The following GCN1 variants were observed in gnomAD, a reference collection of about 807,000 sequenced individuals.
GCN1 encodes stalled ribosome sensor GCN1.
GCN1 carries 90 observed loss-of-function variants against 288.4 expected under a neutral mutation model. The observed-to-expected ratio is 0.31, with a 90% CI of 0.26 to 0.37. The LOEUF is 0.37. Among genes scored for constraint, GCN1 ranks in the 10% least tolerant of loss-of-function variants. The probability of loss-of-function intolerance (pLI) is 1.00; values close to 1 mark genes in which losing one functional copy is unlikely to be tolerated. For synonymous variants in GCN1, 1,386 were observed against 1,420.2 expected (o/e 0.98, Z 0.54); for missense variants, 2,586 against 3,419.9 (o/e 0.76, Z 6.08).
intron 53 of GCN1, 38 bp from the exon 54 acceptor site, chr12:120,132,060 A>G: frequency 7.5e-7 from 1 of 1,334,704 alleles, no homozygotes; most frequent in Non-Finnish European, 1.1e-6. Flanking sequence ...GGTGCAGGGA[A>G]CAACACCAGC....
intron 56 of GCN1, 101 bp downstream of exon 56, chr12:120,130,545 G>T (rs1354310591): frequency 5.1e-6 from 4 of 778,358 alleles, no homozygotes; most frequent in Non-Finnish European, 9.3e-6. Context: ...CGGAGAACTA[G>T]CACACAACTA....
At chr12:120,161,304 G>A (rs1470066734) in intron 22 of GCN1, among the ~76,000 whole-genome samples, 186 bp downstream of exon 22, 2 of 152,178 alleles carry the variant, frequency 1.3e-5, no homozygotes, top group African/African-American at 2.4e-5. Context: ...GTGGGTGGAA[G>A]AAGCTATGAA....
At chr12:120,132,911 G>C (rs1445224985) in intron 53 of GCN1, among the ~76,000 whole-genome samples, 2 of 152,036 alleles carry the variant, frequency 1.3e-5, no homozygotes, top group African/African-American at 4.8e-5. Flanking sequence ...AAGCCCAGGT[G>C]CCAAGCTAAA....
In GCN1 at chr12:120,142,479, G is replaced by A. The variant is rs1877228515; in HGVS notation, c.5829+28C>T. On this transcript the variant is annotated intron_variant, in intron 44 of 57. Transcript: ENST00000300648. This position sits in a 1 kb window ranked among gnomAD's most constrained non-coding sequence, Gnocchi z 4.9. ...TCTGAAAGGAGGCACTGGGGCTGCT[G>A]GTCCAAAACAAGGCCCAGGAAACTC... The A allele has an allele frequency of 6.4e-7, 1 of 1,572,170 alleles. No homozygotes were observed. The highest frequency in any genetic ancestry group is 8.8e-7 in the Non-Finnish European group (1 of 1,142,606).
At chr12:120,188,451 A>AAC (rs1555303544) in intron 2 of GCN1, among the ~76,000 whole-genome samples, 2 of 151,220 alleles carry the variant, frequency 1.3e-5, no homozygotes, top group African/African-American at 4.8e-5. Flanking sequence ...AAAAAAAAAA[A>AAC]AAAAAAACCT....
rs766719757 is a variant in GCN1 at position 120,136,649 on chromosome 12, T to G, written c.6861A>C (p.Leu2287Phe). The G allele has an allele frequency of 1.9e-5, 31 of 1,614,170 alleles. No individual in the cohort carries two copies. The highest frequency in any genetic ancestry group is 2.5e-5 in the Non-Finnish European group (29 of 1,180,034). Reference protein sequence around the residue: ...PEQKEEAAKALGLVIRLTSAD... With the variant: ...PEQKEEAAKAFGLVIRLTSAD... Reference sequence around the variant, plus strand: ...CCGAGGTCAGGCGGATTACCAAGCCTAAGGCTTTGGCTGCCTCCTCCTTCT... The same window carrying G: ...CCGAGGTCAGGCGGATTACCAAGCCGAAGGCTTTGGCTGCCTCCTCCTTCT... Residue 2287 changes from leucine (L) to phenylalanine (F), a missense_variant, in exon 51 of 58, where the codon TTA (leucine) becomes TTC (phenylalanine). Physicochemically the swap from Leu to Phe is conservative, Grantham distance 22. Around this residue, in one of 8 missense-constraint regions of GCN1, gnomAD observed 437 missense variants for 570.5 expected, o/e 0.77. Transcript: ENST00000300648.
Position 120,147,105 on chromosome 12 carries a change from G to T in GCN1, c.4894C>A (p.Arg1632=). 6.2e-7 allele frequency: 1 copy of T among 1,602,352 alleles called. No individual in the cohort carries two copies. Among genetic ancestry groups the T allele is most frequent in the South Asian group, 1.1e-5 (1 of 90,102 alleles). ...RAFQDRSTDT[R]KMAAQIIGNM... ...CCAATAATCTGGGCTGCCATCTTCCGCGTGTCCGTGGAACGGTCCTGGAAG... is the reference window on the plus strand; with the variant it reads ...CCAATAATCTGGGCTGCCATCTTCCTCGTGTCCGTGGAACGGTCCTGGAAG... Residue 1632 remains arginine, a synonymous_variant, in exon 38 of 58, where the codon CGG becomes AGG. Coordinates refer to ENST00000300648, the MANE Select transcript of GCN1 (RefSeq NM_006836.2).
In GCN1 at chr12:120,178,957, G is replaced by C. The variant is rs775693565; in HGVS notation, c.427-7C>G. The C allele has an allele frequency of 6.2e-7, 1 of 1,611,588 alleles. No individual in the cohort carries two copies. The highest frequency in any genetic ancestry group is 2.2e-5 in the East Asian group (1 of 44,824). ...GCAGGCACTGCACTTCCACCTGCCAGGACCAGGGAAGACTCAGGTCAAGGT... is the reference window on the plus strand; with the variant it reads ...GCAGGCACTGCACTTCCACCTGCCACGACCAGGGAAGACTCAGGTCAAGGT... On this transcript the variant is annotated splice_region_variant and splice_polypyrimidine_tract_variant and intron_variant, in intron 5 of 57. Transcript: ENST00000300648.
rs1877635323 is a variant in GCN1 at position 120,153,453 on chromosome 12, G to C, written c.3868-46C>G. 6.6e-7 allele frequency: 1 copy of C among 1,523,492 alleles called. No individual in the cohort carries two copies. The highest frequency in any genetic ancestry group is 1.7e-5 in the Admixed American group (1 of 57,702). 94.4% of individuals were successfully genotyped at this position (1,523,492 alleles called of 1,614,324 possible). A position where few individuals can be genotyped will look rare whatever the true frequency, so the allele number is the denominator to read the frequency against. On this transcript the variant is annotated intron_variant, in intron 32 of 57. Coordinates refer to ENST00000300648, the MANE Select transcript of GCN1 (RefSeq NM_006836.2). The surrounding 1 kb of genome is among the most constrained non-coding windows in gnomAD (Gnocchi z 4.4). ...GAGCCTCAGGTCAACCCTACAGGCTGCATCTGGGGACAACAGTCCCTGCCC... is the reference window on the plus strand; with the variant it reads ...GAGCCTCAGGTCAACCCTACAGGCTCCATCTGGGGACAACAGTCCCTGCCC...
At chr12:120,165,038 T>TACACACAC (rs1425384203) in intron 16 of GCN1, among the ~76,000 whole-genome samples, 58 of 134,576 alleles carry the variant, frequency 4.3e-4, no homozygotes, top group Non-Finnish European at 7.1e-4. Flanking sequence ...CACACACACA[T>TACACACAC]ATATATATAT....
chr12:120,158,813 C>T lies in GCN1; in HGVS notation c.2750-198G>A, dbSNP rs1012105237. Among the ~76,000 whole-genome samples, 3 of 152,008 alleles carry T rather than the reference C, an allele frequency of 2.0e-5. No individual in the cohort carries two copies. Among genetic ancestry groups the T allele is most frequent in the Non-Finnish European group, 4.4e-5 (3 of 67,988 alleles). ...GGATCATGAGGTCAGGAGATTGAGACCATCCTGGCTAACACGGTGAAACCC... is the reference window on the plus strand; with the variant it reads ...GGATCATGAGGTCAGGAGATTGAGATCATCCTGGCTAACACGGTGAAACCC... On this transcript the variant is annotated intron_variant, in intron 24 of 57. Coordinates refer to ENST00000300648, the MANE Select transcript of GCN1 (RefSeq NM_006836.2). The surrounding 1 kb of genome is among the most constrained non-coding windows in gnomAD (Gnocchi z 4.3).
At chr12:120,193,580 C>T (rs971087273) in intron 1 of GCN1, among the ~76,000 whole-genome samples, 1 of 152,200 alleles carries the variant, frequency 6.6e-6, no homozygotes, top group Admixed American at 6.5e-5. Context: ...GCTGGGATTA[C>T]AGGGTGAGCC....
rs761828433 is a variant in GCN1, at chr12:120,138,851, C to T, written c.6000G>A (p.Leu2000=). 5 of 1,608,158 alleles carry T rather than the reference C, an allele frequency of 3.1e-6. No homozygotes were observed. Among genetic ancestry groups the T allele is most frequent in the Admixed American group, 1.7e-5 (1 of 59,528 alleles). Residue 2000 remains leucine, a synonymous_variant, in exon 46 of 58, where the codon CTG becomes CTA. Coordinates refer to ENST00000300648, the MANE Select transcript of GCN1 (RefSeq NM_006836.2). ...IMKSTSRDAV[L]YFSESLVPTA... is the part of the protein sequence containing the mutation. ...TGGGCACGAGGGATTCAGAGAAATA[C>T]AGCACCTGCAATGGCAAGCTACAAC... is the stretch of plus-strand genomic sequence containing the variant.
chr12:120,160,920 G>T (rs1877904496), intron 22 of GCN1, among the ~76,000 whole-genome samples: 2 of 152,230 alleles, frequency 1.3e-5, no homozygotes, highest in South Asian at 4.1e-4. Flanking sequence ...AAGGGAGGAA[G>T]GGTGGGGTCT....
At chr12:120,148,493 G>T in intron 36 of GCN1, 147 bp from the exon 37 acceptor site, 1 of 650,864 alleles carries the variant, frequency 1.5e-6, no homozygotes, top group Non-Finnish European at 2.6e-6. Flanking sequence ...GAGGGGGCTG[G>T]CTCTAGCAGA....
Position 120,137,593 on chromosome 12 carries a change from G to A in GCN1, c.6615C>T (p.Ser2205=). The change falls in exon 49 of 58, where the codon AGC becomes AGT. Residue 2205 remains serine (S), a synonymous_variant. Transcript: ENST00000300648. The surrounding 1 kb of genome is among the most constrained non-coding windows in gnomAD (Gnocchi z 5.2). The part of the protein sequence containing the change: ...SGLIRLFNDS[S]PVVLEESWDA... Reference sequence around the variant, plus strand: ...CCCAGCTCTCCTCCAGAACCACAGGGCTGGAGTCATTGAAGAGGCGGATCA... The same window carrying A: ...CCCAGCTCTCCTCCAGAACCACAGGACTGGAGTCATTGAAGAGGCGGATCA... The A allele has an allele frequency of 1.2e-6, 2 of 1,614,072 alleles. No homozygotes were observed. The highest frequency in any genetic ancestry group is 1.7e-6 in the Non-Finnish European group (2 of 1,179,934).
intron 57 of GCN1, 117 bp downstream of exon 57, chr12:120,129,159 A>C (rs1876726549): frequency 1.2e-6 from 1 of 857,906 alleles, no homozygotes; most frequent in Middle Eastern, 3.6e-4. Flanking sequence ...CTGCTCCTGA[A>C]AGCTAGCACA....
intron 14 of GCN1, among the ~76,000 whole-genome samples, chr12:120,172,485 A>G (rs1878342803): frequency 6.6e-6 from 1 of 152,198 alleles, no homozygotes; most frequent in Admixed American, 6.5e-5. Context: ...TCCCCTCCCA[A>G]GAGGAGGCCC....
chr12:120,143,540 C>G (rs530721489), intron 42 of GCN1, among the ~76,000 whole-genome samples: 8 of 151,764 alleles, frequency 5.3e-5, no homozygotes, highest in African/African-American at 1.9e-4. Flanking sequence ...CGAGATCATG[C>G]CACTGCACTC....
Sources: gnomAD v4.1 joint callset for allele counts (sites outside exome capture counted in the v4.1 genomes callset) on GRCh38, gnomAD v4.1.1 for gene constraint, gnomAD v4.1.1 regional missense constraint, Gnocchi (gnomAD v3.1) non-coding constraint, MANE v1.5 for transcripts, NCBI Gene and HGNC (gene_info 2026-07-23, HGNC 2026-07-21) for gene names.